NPAS3: variants seen among roughly 807,000 people sequenced by gnomAD.
The protein encoded by NPAS3 is neuronal PAS domain protein 3.
In NPAS3, 14 loss-of-function variants were observed where a neutral mutation model predicts 73.1. That is an observed-to-expected ratio of 0.19 (90% confidence interval 0.13 to 0.30). The LOEUF is 0.30. Ranked by LOEUF, NPAS3 falls within the 10% of genes least tolerant of loss-of-function variation. The pLI is 1.00. For missense variants in NPAS3, 1,096 were observed against 1,250.0 expected (o/e 0.88, Z 1.86); for synonymous variants, 620 against 541.5 (o/e 1.14, Z -2.01).
chr14:33,408,305 G>C (rs1177737258), intron 4 of NPAS3, among the ~76,000 whole-genome samples: 1 of 152,126 alleles, frequency 6.6e-6, no homozygotes, highest in Non-Finnish European at 1.5e-5. Flanking sequence ...CCTTGGTTAA[G>C]ACAAGATGAG....
intron 2 of NPAS3, among the ~76,000 whole-genome samples, chr14:33,083,178 CAAAAAAAAAAAAAAAAAAAAAAA>C (rs57147759): frequency 1.5e-5 from 1 of 65,028 alleles, no homozygotes. Context: ...GAGACTGTCT[CAAAAAAAAAAAAAAAAAAAAAAA>C]AAAAAAAAAA....
chr14:33,640,378 T>G (rs779354133), intron 5 of NPAS3, among the ~76,000 whole-genome samples: 152 of 152,180 alleles, frequency 1.0e-3, no homozygotes, highest in Middle Eastern at 3.2e-3. Context: ...ACCTGAAGTC[T>G]ATGCAGTGAT....
intron 5 of NPAS3, 24 bp downstream of exon 5, chr14:33,560,234 T>C: frequency 2.4e-6 from 2 of 849,864 alleles, no homozygotes; most frequent in Non-Finnish European, 4.1e-6. Context: ...TTTTAGATTC[T>C]TGGCAGCGAT....
At chr14:33,404,371 T>G (rs367558073) in intron 4 of NPAS3, among the ~76,000 whole-genome samples, 25 of 152,240 alleles carry the variant, frequency 1.6e-4, no homozygotes, top group Middle Eastern at 3.4e-3. Flanking sequence ...TGGTGACACA[T>G]AAGGCACTGA....
chr14:33,108,591 G>A (rs1021067137), intron 2 of NPAS3, among the ~76,000 whole-genome samples: 5 of 152,146 alleles, frequency 3.3e-5, no homozygotes, highest in African/African-American at 1.2e-4. Context: ...TTTAGAATCT[G>A]CTGTGACAAA....
At chr14:33,014,629 A>C (rs2039329764) in intron 1 of NPAS3, among the ~76,000 whole-genome samples, 1 of 152,184 alleles carries the variant, frequency 6.6e-6, no homozygotes, top group Non-Finnish European at 1.5e-5. Context: ...TTTAGTAAAT[A>C]AATTTGTTGA....
At chr14:33,617,575 G>T (rs2057957554) in intron 5 of NPAS3, among the ~76,000 whole-genome samples, 1 of 152,116 alleles carries the variant, frequency 6.6e-6, no homozygotes, top group African/African-American at 2.4e-5. Flanking sequence ...TGGCATATTT[G>T]CTTTATGCCC....
chr14:33,782,058 A>C (rs976259913), intron 9 of NPAS3, among the ~76,000 whole-genome samples: 2 of 152,228 alleles, frequency 1.3e-5, no homozygotes, highest in African/African-American at 4.8e-5. Context: ...GTGAAACTAC[A>C]CTGGAACTCT....
chr14:32,972,267 A>C (rs1269804012), intron 1 of NPAS3, among the ~76,000 whole-genome samples: 1 of 152,164 alleles, frequency 6.6e-6, no homozygotes, highest in Non-Finnish European at 1.5e-5. Flanking sequence ...AGCCTGAGTT[A>C]TCCTGTGTAG....
chr14:33,252,658 G>A (rs2048631744), intron 3 of NPAS3, among the ~76,000 whole-genome samples: 1 of 150,522 alleles, frequency 6.6e-6, no homozygotes, highest in Non-Finnish European at 1.5e-5. Context: ...TTTAATTTCA[G>A]ATTCAGGGGG....
chr14:33,336,591 C>T (rs538219756), intron 3 of NPAS3, among the ~76,000 whole-genome samples: 8 of 152,310 alleles, frequency 5.3e-5, no homozygotes, highest in African/African-American at 1.9e-4. Context: ...ATTAGGACAC[C>T]TGCCAAGGAT....
chr14:33,032,296 A>C (rs1489785452), intron 1 of NPAS3, among the ~76,000 whole-genome samples: 3 of 152,190 alleles, frequency 2.0e-5, no homozygotes, highest in African/African-American at 7.2e-5. Context: ...GGGTTTTAGA[A>C]AGATTAATTT....
At chr14:33,182,361 T>A (rs1170170763) in intron 2 of NPAS3, among the ~76,000 whole-genome samples, 2 of 152,222 alleles carry the variant, frequency 1.3e-5, no homozygotes, top group African/African-American at 4.8e-5. Context: ...TCTATTGCCT[T>A]TGTTTTCTAT....
chr14:33,669,269 C>G (rs2059543547), intron 5 of NPAS3, among the ~76,000 whole-genome samples: 1 of 152,216 alleles, frequency 6.6e-6, no homozygotes, highest in Non-Finnish European at 1.5e-5. Context: ...CTTTTGCCTT[C>G]TCAGCACTGT....
intron 2 of NPAS3, among the ~76,000 whole-genome samples, chr14:33,060,021 C>T (rs1188966749): frequency 1.3e-5 from 2 of 152,286 alleles, no homozygotes; most frequent in East Asian, 3.9e-4. Flanking sequence ...GGGCTCAAGC[C>T]ATCCTCCCAC....
chr14:32,994,610 A>ACTTT (rs2038477270), intron 1 of NPAS3, among the ~76,000 whole-genome samples: 1 of 132,534 alleles, frequency 7.5e-6, no homozygotes, highest in African/African-American at 3.1e-5. Flanking sequence ...TCGCCATTCT[A>ACTTT]GTTTTTTGTT....
chr14:33,442,348 G>A (rs1475756563), intron 4 of NPAS3, among the ~76,000 whole-genome samples: 2 of 152,026 alleles, frequency 1.3e-5, no homozygotes, highest in Non-Finnish European at 2.9e-5. Context: ...GAGGTGGGAG[G>A]AGGGAGGATT....
chr14:32,955,529 G>A (rs976393765), intron 1 of NPAS3, among the ~76,000 whole-genome samples: 5 of 152,106 alleles, frequency 3.3e-5, no homozygotes, highest in Non-Finnish European at 5.9e-5. Context: ...GAAAACTCAA[G>A]ATATCCATAA....
intron 4 of NPAS3, among the ~76,000 whole-genome samples, chr14:33,428,888 A>G (rs1328595317): frequency 1.3e-5 from 2 of 152,168 alleles, no homozygotes; most frequent in Non-Finnish European, 2.9e-5. Flanking sequence ...TACTAGCTCT[A>G]CAATATAGTA....
Sources: allele counts gnomAD v4.1 joint callset (sites outside exome capture counted in the v4.1 genomes callset), GRCh38; gene constraint gnomAD v4.1.1; transcripts MANE v1.5; gene names NCBI Gene and HGNC (gene_info 2026-07-23, HGNC 2026-07-21).